SVEP1: variants seen among roughly 807,000 people sequenced by gnomAD.
The protein encoded by SVEP1 is sushi, von Willebrand factor type A, EGF and pentraxin domain containing 1.
SVEP1 carries 164 observed loss-of-function variants against 367.3 expected under a neutral mutation model. That is an observed-to-expected ratio of 0.45 (90% confidence interval 0.39 to 0.51). The LOEUF (loss-of-function observed/expected upper bound fraction) is 0.51, where lower values mean the gene tolerates loss of function less well. SVEP1 is among the 20% of genes least tolerant of loss of function. The probability of loss-of-function intolerance (pLI) is 0.00; values close to 1 mark genes in which losing one functional copy is unlikely to be tolerated. For synonymous variants in SVEP1, 1,666 were observed against 1,611.6 expected, an observed-to-expected ratio of 1.03 and a Z score of -0.81; for missense variants, 4,117 against 4,425.3, an observed-to-expected ratio of 0.93 and a Z score of 1.98.
chr9:110,459,370 TATC>T, intron 18 of SVEP1, among the ~76,000 whole-genome samples: 1 of 152,322 alleles, frequency 6.6e-6, no homozygotes, highest in Middle Eastern at 3.4e-3. Flanking sequence ...CCTAACATGG[TATC>T]ATAAGTGTTT....
intron 40 of SVEP1, among the ~76,000 whole-genome samples, chr9:110,398,589 C>T (rs1453017469): frequency 1.3e-5 from 2 of 152,094 alleles, no homozygotes; most frequent in South Asian, 2.1e-4. Flanking sequence ...TTCCAGCCTA[C>T]TCATCTGACA....
rs772660987 is a variant in SVEP1 at position 110,406,855 on chromosome 9, G to A, written c.8745C>T (p.Phe2915=). 6 of 1,613,978 alleles carry A rather than the reference G, an allele frequency of 3.7e-6. No homozygotes were observed. The South Asian group carries it at 5.5e-5, about 15-fold the overall frequency. ...LDYGFMKEVT[F]HCHEGYILHG... ...GCAAGATGTAGCCCTCGTGACAGTG[G>A]AATGTTACTTCCTTCATGAAGCCAT... The change falls in exon 38 of 48, where the codon TTC becomes TTT. Residue 2915 remains phenylalanine, a synonymous_variant. Coordinates refer to ENST00000374469, the MANE Select transcript of SVEP1 (RefSeq NM_153366.4).
intron 1 of SVEP1, among the ~76,000 whole-genome samples, chr9:110,578,790 G>A (rs1314063934): frequency 1.3e-5 from 2 of 152,164 alleles, no homozygotes; most frequent in African/African-American, 2.4e-5. Flanking sequence ...GACTATCTAA[G>A]GAGCCTGACA....
intron 1 of SVEP1, among the ~76,000 whole-genome samples, chr9:110,554,701 G>C (rs971206712): frequency 6.7e-6 from 1 of 149,956 alleles, no homozygotes; most frequent in Non-Finnish European, 1.5e-5. Context: ...GTATAATATA[G>C]ACATTTATGT....
Position 110,469,164 on chromosome 9 carries a change from T to C in SVEP1, c.2999-63A>G, listed in dbSNP as rs1016962711. ...CAACGGTGGAACACACTGGGCTTTT[T>C]TTTCCTAAGACATGAAAGTAATAAA... On this transcript the variant is annotated intron_variant, in intron 16 of 47. Transcript: ENST00000374469. The C allele has an allele frequency of 1.5e-5, 23 of 1,485,588 alleles. No homozygotes were observed. In the Admixed American group the frequency reaches 2.1e-4, roughly 14 times the overall value. 92.0% of individuals were successfully genotyped at this position (1,485,588 alleles called of 1,614,324 possible).
intron 27 of SVEP1, among the ~76,000 whole-genome samples, chr9:110,440,132 A>G (rs1828491339): frequency 6.6e-6 from 1 of 152,202 alleles, no homozygotes. Flanking sequence ...TTCCTTTTGA[A>G]ATACCTTTAA....
intron 5 of SVEP1, among the ~76,000 whole-genome samples, chr9:110,511,487 CCTTTTTTTTTTTTTTTT>C (rs1228737735): frequency 5.9e-4 from 41 of 69,566 alleles, no homozygotes; most frequent in Middle Eastern, 9.1e-3. Context: ...TGTGTCAGTA[CCTTTTTTTTTTTTTTTT>C]TTTTTTTTTT....
chr9:110,462,861 T>C (rs925831835), intron 18 of SVEP1, among the ~76,000 whole-genome samples: 14 of 152,140 alleles, frequency 9.2e-5, no homozygotes, highest in Admixed American at 4.6e-4. Context: ...GCAACACATA[T>C]AGACCTGGAG....
chr9:110,505,022 C>T (rs1424486262), intron 5 of SVEP1, among the ~76,000 whole-genome samples: 1 of 152,166 alleles, frequency 6.6e-6, no homozygotes, highest in Non-Finnish European at 1.5e-5. Flanking sequence ...AGGATATTCA[C>T]TAAACTGCGG....
rs534766306 is a variant in SVEP1, at chr9:110,452,620, T to C, written c.3788-1218A>G. ...CTGGTCTGCAGTTGGTCTCACAGCA[T>C]GTGGACCTCTTAGAATATAAGCTGA... is the stretch of plus-strand genomic sequence containing the variant. On this transcript the variant is annotated intron_variant, in intron 22 of 47. Coordinates refer to ENST00000374469, the MANE Select transcript of SVEP1 (RefSeq NM_153366.4). 3.2e-4 allele frequency among the ~76,000 whole-genome samples: 48 copies of C among 152,374 alleles called. No individual in the cohort carries two copies. In the South Asian group the frequency reaches 8.9e-3, roughly 28 times the overall value.
chr9:110,435,412 A>G (rs1828418400), intron 28 of SVEP1, 48 bp from the exon 29 acceptor site: 1 of 1,599,618 alleles, frequency 6.3e-7, no homozygotes, highest in Non-Finnish European at 8.5e-7. Flanking sequence ...TTCCATTAAG[A>G]TGGAGTTATT....
intron 3 of SVEP1, among the ~76,000 whole-genome samples, chr9:110,532,496 A>T (rs1200383844): frequency 6.6e-6 from 1 of 152,190 alleles, no homozygotes; most frequent in African/African-American, 2.4e-5. Flanking sequence ...ATTCATGAAA[A>T]GGCTTGAAGT....
intron 3 of SVEP1, among the ~76,000 whole-genome samples, chr9:110,541,746 C>T (rs570989849): frequency 9.4e-5 from 14 of 149,454 alleles, no homozygotes; most frequent in African/African-American, 1.5e-4. Context: ...TACATATCTA[C>T]ATACATCTAT....
At chr9:110,520,510 G>C (rs1829863032) in intron 3 of SVEP1, among the ~76,000 whole-genome samples, 1 of 152,096 alleles carries the variant, frequency 6.6e-6, no homozygotes, top group Non-Finnish European at 1.5e-5. Flanking sequence ...ACTATTACTG[G>C]AAGTGTGAAT....
rs980573618 is a variant in SVEP1, at chr9:110,387,212, T to C, written c.10060+73A>G. 8.9e-6 allele frequency: 13 copies of C among 1,452,840 alleles called. No homozygotes were observed. The Admixed American group carries it at 3.1e-4, about 34-fold the overall frequency. The allele number at this position is 1,452,840 out of a possible 1,614,324, so 90.0% of individuals were successfully genotyped here. A position where few individuals can be genotyped will look rare whatever the true frequency, so the allele number is the denominator to read the frequency against. ...TATCCCTTATGAGTGGAGCTTCCTCTATGTTTTGGATATGCGGGAAGCTAA... is the reference window on the plus strand; with the variant it reads ...TATCCCTTATGAGTGGAGCTTCCTCCATGTTTTGGATATGCGGGAAGCTAA... On this transcript the variant is annotated intron_variant, in intron 42 of 47. Coordinates refer to ENST00000374469, the MANE Select transcript of SVEP1 (RefSeq NM_153366.4).
At chr9:110,464,067 T>TA (rs1255364472) in intron 18 of SVEP1, among the ~76,000 whole-genome samples, 1 of 152,222 alleles carries the variant, frequency 6.6e-6, no homozygotes, top group Non-Finnish European at 1.5e-5. Flanking sequence ...TGTTTCACTA[T>TA]AAAAATCCTA....
At chr9:110,576,094 T>TA (rs1258893006) in intron 1 of SVEP1, among the ~76,000 whole-genome samples, 2 of 152,108 alleles carry the variant, frequency 1.3e-5, no homozygotes, top group Non-Finnish European at 2.9e-5. Context: ...TTAAATGTCT[T>TA]AAAAAAACAT....
At chr9:110,512,890 C>T (rs1289763365) in intron 5 of SVEP1, 36 bp downstream of exon 5, 2 of 1,611,750 alleles carry the variant, frequency 1.2e-6, no homozygotes, top group Admixed American at 1.7e-5. Context: ...TCAGGCAAGA[C>T]AGTAAATAAA....
At chr9:110,404,174 C>G (rs188267822) in intron 39 of SVEP1, among the ~76,000 whole-genome samples, 153 bp downstream of exon 39, 13 of 152,292 alleles carry the variant, frequency 8.5e-5, no homozygotes, top group Admixed American at 8.5e-4. Flanking sequence ...ATACATTTTA[C>G]TATATTTTCT....
Sources: allele counts gnomAD v4.1 joint callset (sites outside exome capture counted in the v4.1 genomes callset), GRCh38; gene constraint gnomAD v4.1.1; transcripts MANE v1.5; gene names NCBI Gene and HGNC (gene_info 2026-07-23, HGNC 2026-07-21).